The following CDH6 variants were observed in gnomAD, a reference collection of about 807,000 sequenced individuals.
The protein encoded by CDH6 is cadherin 6.
A neutral mutation model predicts 78.0 loss-of-function variants in CDH6; 31 were observed. That is an observed-to-expected ratio of 0.40 (90% CI 0.30 to 0.54). The LOEUF (loss-of-function observed/expected upper bound fraction) is 0.54. Among genes scored for constraint, CDH6 ranks in the 20% least tolerant of loss-of-function variants. CDH6 has a pLI of 0.56. For synonymous variants in CDH6, 376 were observed against 368.8 expected, an observed-to-expected ratio of 1.02 and a Z score of -0.23; for missense variants, 724 against 975.9, an observed-to-expected ratio of 0.74 and a Z score of 3.44.
At position 31,198,318 on chromosome 5, in the gene CDH6, T is replaced by A. The variant is rs150479749; in HGVS notation, c.-129+4432T>A. 5.1e-4 allele frequency among the ~76,000 whole-genome samples: 77 copies of A among 152,320 alleles called. 1 individual carries two copies. The East Asian group carries it at 0.014, about 27-fold the overall frequency. On this transcript the variant is annotated intron_variant, in intron 1 of 11. Coordinates refer to ENST00000265071, the MANE Select transcript of CDH6 (RefSeq NM_004932.4). ...GTGCTGGTTTCTTCCAGGAATCAGA[T>A]CACCTTGTTATGATTTATAAGAGGT...
chr5:31,320,740 G>T lies in CDH6; in HGVS notation c.1883-2078G>T, dbSNP rs1431404342. ...CGCCTGTAATCCCAACACTTTGCGA[G>T]GCCGAGGCAGGTGGATCACTTGAGG... On this transcript the variant is annotated intron_variant, in intron 11 of 11. Transcript: ENST00000265071. Among the ~76,000 whole-genome samples the T allele has an allele frequency of 2.6e-5, 4 of 152,140 alleles. No homozygotes were observed. In the South Asian group the frequency reaches 8.3e-4, roughly 32 times the overall value.
Position 31,316,321 on chromosome 5 carries a change from G to C in CDH6, c.1504G>C (p.Ala502Pro). 6.2e-7 allele frequency: 1 copy of C among 1,611,204 alleles called. No homozygotes were observed. The highest frequency in any genetic ancestry group is 8.5e-7 in the Non-Finnish European group (1 of 1,179,132). ...YETFVCEKAK[A>P]DQLIQTLHAV... ...AACTTTTGTCTGTGAAAAAGCAAAG[G>C]CAGATCAGGTGAGTTTCATTAAAAA... The change falls in exon 9 of 12, where the codon GCA becomes CCA. Residue 502 changes from alanine to proline, a missense_variant. Transcript: ENST00000265071.
intron 7 of CDH6, among the ~76,000 whole-genome samples, chr5:31,307,840 C>A (rs1293870933): frequency 6.6e-6 from 1 of 152,082 alleles, no homozygotes; most frequent in Non-Finnish European, 1.5e-5. Flanking sequence ...ACTTTTCATA[C>A]CAAATACCAT....
chr5:31,214,569 A>G (rs1464576881), intron 1 of CDH6, among the ~76,000 whole-genome samples: 1 of 152,220 alleles, frequency 6.6e-6, no homozygotes, highest in Admixed American at 6.5e-5. Flanking sequence ...GAAAGAAATT[A>G]TGTTGTATCT....
At chr5:31,295,519 CAT>C (rs1737559349) in intron 3 of CDH6, among the ~76,000 whole-genome samples, 1 of 152,164 alleles carries the variant, frequency 6.6e-6, no homozygotes, top group Admixed American at 6.5e-5. Context: ...TTGACAGTAA[CAT>C]GTCTTGAGAA....
At chr5:31,226,267 C>G (rs1241818470) in intron 1 of CDH6, among the ~76,000 whole-genome samples, 1 of 152,138 alleles carries the variant, frequency 6.6e-6, no homozygotes, top group Non-Finnish European at 1.5e-5. Context: ...CTCCCCTTCC[C>G]AGGTTCAAGT....
intron 1 of CDH6, among the ~76,000 whole-genome samples, chr5:31,243,265 G>T (rs1309998515): frequency 6.6e-6 from 1 of 152,096 alleles, no homozygotes; most frequent in African/African-American, 2.4e-5. Flanking sequence ...GGCTGGTAAG[G>T]TGGGGACATG....
At chr5:31,301,183 C>A (rs1274788254) in intron 5 of CDH6, among the ~76,000 whole-genome samples, 1 of 152,084 alleles carries the variant, frequency 6.6e-6, no homozygotes, top group Non-Finnish European at 1.5e-5. Context: ...ATTTTTTTAA[C>A]CTGCTTTATC....
intron 9 of CDH6, 110 bp downstream of exon 9, chr5:31,316,439 T>A: frequency 2.2e-6 from 2 of 910,676 alleles, no homozygotes; most frequent in East Asian, 2.6e-5. Context: ...ATCTATGAAG[T>A]GAATGCTACG....
At chr5:31,287,671 A>G (rs1178534967) in intron 2 of CDH6, among the ~76,000 whole-genome samples, 2 of 152,172 alleles carry the variant, frequency 1.3e-5, no homozygotes, top group East Asian at 3.9e-4. Flanking sequence ...CTATGATTGT[A>G]CTAGTTAAGG....
rs1737783010 is a variant in CDH6 at position 31,302,166 on chromosome 5, A to G, written c.867A>G (p.Arg289=). 1 of 1,613,962 alleles carries G rather than the reference A, an allele frequency of 6.2e-7. No homozygotes were observed. ...ESSPPGTPIG[R]IKASDADVGE... is the part of the protein sequence containing the mutation. ...CTCCACCGGGGACACCAATTGGCAG[A>G]ATCAAAGCCAGCGACGCTGATGTGG... Residue 289 remains arginine, a synonymous_variant, in exon 6 of 12, where the codon AGA becomes AGG. Coordinates refer to ENST00000265071, the MANE Select transcript of CDH6 (RefSeq NM_004932.4).
At chr5:31,251,151 A>C (rs530501659) in intron 1 of CDH6, 1 of 152,236 alleles carries the variant, frequency 6.6e-6, no homozygotes, top group African/African-American at 2.4e-5. Flanking sequence ...ATGCGAGAAA[A>C]AGCACCAAAC....
intron 1 of CDH6, among the ~76,000 whole-genome samples, chr5:31,261,025 G>A (rs567567477): frequency 2.0e-5 from 3 of 152,204 alleles, no homozygotes; most frequent in African/African-American, 4.8e-5. Flanking sequence ...TTGGGTTATC[G>A]GGAAATTGAT....
intron 1 of CDH6, among the ~76,000 whole-genome samples, chr5:31,262,107 C>T (rs1047761415): frequency 9.2e-5 from 14 of 152,308 alleles, no homozygotes; most frequent in South Asian, 8.3e-4. Flanking sequence ...TCAGCCCAGC[C>T]TTTGCATTAA....
intron 1 of CDH6, among the ~76,000 whole-genome samples, chr5:31,195,684 T>G (rs1740145756): frequency 1.3e-5 from 2 of 152,200 alleles, no homozygotes; most frequent in Admixed American, 1.3e-4. Flanking sequence ...AGATTGTCAA[T>G]GCAGAGCTCA....
At chr5:31,305,533 C>T in intron 7 of CDH6, 106 bp downstream of exon 7, 1 of 1,200,426 alleles carries the variant, frequency 8.3e-7, no homozygotes, top group Non-Finnish European at 1.2e-6. Flanking sequence ...TCCAATTAGA[C>T]AACTGTGTTT....
chr5:31,299,664 T>C (rs770016474), intron 5 of CDH6, 33 bp downstream of exon 5: 3 of 1,564,644 alleles, frequency 1.9e-6, no homozygotes, highest in East Asian at 2.3e-5. Flanking sequence ...ATTTCTTCAA[T>C]GTGCTTTTAT....
At chr5:31,281,369 G>T (rs1246264503) in intron 2 of CDH6, among the ~76,000 whole-genome samples, 7 of 152,054 alleles carry the variant, frequency 4.6e-5, no homozygotes, top group Admixed American at 4.6e-4. Flanking sequence ...TTGTGTGTGT[G>T]TGTCCTTTTT....
At chr5:31,196,999 GA>G (rs931962788) in intron 1 of CDH6, among the ~76,000 whole-genome samples, 11 of 151,692 alleles carry the variant, frequency 7.3e-5, no homozygotes, top group Admixed American at 2.6e-4. Context: ...ATATTTGCAG[GA>G]AAAAAAAGTG....
Sources: allele counts gnomAD v4.1 joint callset (sites outside exome capture counted in the v4.1 genomes callset), GRCh38; gene constraint gnomAD v4.1.1; transcripts MANE v1.5; gene names NCBI Gene and HGNC (gene_info 2026-07-23, HGNC 2026-07-21).